RSRC1: variants seen among roughly 807,000 people sequenced by gnomAD.
RSRC1 encodes arginine and serine rich coiled-coil 1.
RSRC1 carries 39 observed loss-of-function variants against 49.1 expected under a neutral mutation model. The ratio of observed to expected loss-of-function variants is 0.79; its 90% CI spans 0.61 to 1.04. The LOEUF is 1.04. RSRC1 is among the 50% of genes least tolerant of loss of function. RSRC1 has a pLI of 0.00. For missense variants in RSRC1, 388 were observed against 402.4 expected (o/e 0.96, Z 0.31); for synonymous variants, 143 against 130.8 (o/e 1.09, Z -0.63).
intron 5 of RSRC1, among the ~76,000 whole-genome samples, chr3:158,317,675 C>A (rs1322020154): frequency 6.6e-6 from 1 of 152,124 alleles, no homozygotes; most frequent in African/African-American, 2.4e-5. Context: ...CCTCCCACCT[C>A]AGCCTCCCAA....
At chr3:158,316,608 C>A (rs1051837668) in intron 5 of RSRC1, among the ~76,000 whole-genome samples, 1 of 151,928 alleles carries the variant, frequency 6.6e-6, no homozygotes, top group Non-Finnish European at 1.5e-5. Flanking sequence ...CCTCGCCCAG[C>A]TAATTTTTTG....
At chr3:158,332,477 C>G (rs1006009443) in intron 5 of RSRC1, among the ~76,000 whole-genome samples, 2 of 152,074 alleles carry the variant, frequency 1.3e-5, no homozygotes, top group African/African-American at 4.8e-5. Flanking sequence ...GAGTAGGTGT[C>G]AAAAGTTAGA....
At chr3:158,275,941 C>T in intron 4 of RSRC1, 1 of 735,368 alleles carries the variant, frequency 1.4e-6, no homozygotes, top group Non-Finnish European at 2.4e-6. Flanking sequence ...TGAGCCCACA[C>T]ATTTCCCTGT....
intron 1 of RSRC1, among the ~76,000 whole-genome samples, chr3:158,118,471 G>GCA (rs1715025946): frequency 2.0e-5 from 3 of 150,186 alleles, no homozygotes; most frequent in Non-Finnish European, 4.4e-5. Context: ...GTGCGCGTGC[G>GCA]CGTGGTTTTT....
intron 5 of RSRC1, among the ~76,000 whole-genome samples, chr3:158,305,876 C>T (rs939566286): frequency 6.6e-6 from 1 of 151,960 alleles, no homozygotes; most frequent in Non-Finnish European, 1.5e-5. Context: ...TTAATTTTCC[C>T]CTTACTCATA....
At chr3:158,534,021 T>C (rs898695946) in intron 7 of RSRC1, among the ~76,000 whole-genome samples, 4 of 151,646 alleles carry the variant, frequency 2.6e-5, no homozygotes, top group African/African-American at 9.7e-5. Flanking sequence ...CATGGCACTC[T>C]GACAGTGCTT....
intron 5 of RSRC1, among the ~76,000 whole-genome samples, chr3:158,300,985 TA>T (rs1379015599): frequency 6.6e-6 from 1 of 151,944 alleles, no homozygotes; most frequent in Non-Finnish European, 1.5e-5. Context: ...AAGAGTGGGA[TA>T]GGTGGACTCT....
chr3:158,325,903 C>A (rs1447738085), intron 5 of RSRC1, among the ~76,000 whole-genome samples: 3 of 152,034 alleles, frequency 2.0e-5, no homozygotes, highest in Non-Finnish European at 4.4e-5. Flanking sequence ...CTTTTATTTC[C>A]TTGAGCAGTG....
At chr3:158,519,095 G>T (rs1042444102) in intron 7 of RSRC1, among the ~76,000 whole-genome samples, 2 of 152,022 alleles carry the variant, frequency 1.3e-5, no homozygotes, top group South Asian at 2.1e-4. Flanking sequence ...GGTCTTTCTC[G>T]TTGTAATGAA....
chr3:158,249,907 CT>C (rs1724113405), intron 4 of RSRC1, among the ~76,000 whole-genome samples: 1 of 152,024 alleles, frequency 6.6e-6, no homozygotes, highest in South Asian at 2.1e-4. Context: ...ATCAAATACT[CT>C]TTTTCATTCT....
chr3:158,513,327 G>C lies in RSRC1; in HGVS notation c.653-23765G>C, dbSNP rs550484494. On this transcript the variant is annotated intron_variant, in intron 7 of 9. Coordinates refer to ENST00000611884, the MANE Select transcript of RSRC1 (RefSeq NM_001271838.2). ...TTTATTGAGAGTTTTTAGCATGAAG[G>C]GTTGTTGAATTTTGTCAAAGGCCTT... Among the ~76,000 whole-genome samples, 32 of 152,054 alleles carry C rather than the reference G, an allele frequency of 2.1e-4. No individual in the cohort carries two copies. In the East Asian group the frequency reaches 2.3e-3, roughly 11 times the overall value.
At chr3:158,485,219 A>G (rs556614578) in intron 7 of RSRC1, among the ~76,000 whole-genome samples, 1 of 152,124 alleles carries the variant, frequency 6.6e-6, no homozygotes, top group East Asian at 1.9e-4. Context: ...TGGATGTGTC[A>G]TAATTACCTG....
intron 3 of RSRC1, among the ~76,000 whole-genome samples, chr3:158,187,430 C>T (rs1404024433): frequency 6.6e-6 from 1 of 151,960 alleles, no homozygotes; most frequent in Non-Finnish European, 1.5e-5. Context: ...TTTTTATTTA[C>T]TAGCTTTGCA....
chr3:158,234,791 A>G (rs1331508459), intron 4 of RSRC1, among the ~76,000 whole-genome samples: 2 of 152,136 alleles, frequency 1.3e-5, no homozygotes, highest in Non-Finnish European at 2.9e-5. Flanking sequence ...TTATTGTACA[A>G]ATCTTTAATC....
Position 158,304,242 on chromosome 3 carries a change from A to G in RSRC1, c.531+6167A>G, listed in dbSNP as rs1404712153. The stretch of plus-strand genomic sequence containing the variant: ...GCTTGCCAGAAATGTAGGCAGGCCC[A>G]TTGCTATTAGGTATTCATCAATAAC... On this transcript the variant is annotated intron_variant, in intron 5 of 9. Coordinates refer to ENST00000611884, the MANE Select transcript of RSRC1 (RefSeq NM_001271838.2). Among the ~76,000 whole-genome samples the G allele has an allele frequency of 2.0e-5, 3 of 152,158 alleles. No individual in the cohort carries two copies. The East Asian group carries it at 5.8e-4, about 29-fold the overall frequency.
chr3:158,113,264 G>A (rs1714535943), intron 1 of RSRC1, among the ~76,000 whole-genome samples: 1 of 152,074 alleles, frequency 6.6e-6, no homozygotes, highest in South Asian at 2.1e-4. Flanking sequence ...CAATGCCTGT[G>A]ACATCATCTT....
intron 6 of RSRC1, among the ~76,000 whole-genome samples, chr3:158,445,115 A>C (rs1379483609): frequency 7.2e-5 from 11 of 152,232 alleles, no homozygotes; most frequent in Admixed American, 7.2e-4. Flanking sequence ...AAGGATCTAG[A>C]ACTAGAAATA....
intron 4 of RSRC1, among the ~76,000 whole-genome samples, chr3:158,228,312 C>A (rs1409008056): frequency 2.0e-5 from 3 of 151,894 alleles, no homozygotes; most frequent in African/African-American, 7.2e-5. Flanking sequence ...TTCAGTGAAG[C>A]AATTTCAGGC....
intron 4 of RSRC1, among the ~76,000 whole-genome samples, chr3:158,230,385 A>G (rs1018087412): frequency 6.6e-6 from 1 of 152,120 alleles, no homozygotes; most frequent in Non-Finnish European, 1.5e-5. Flanking sequence ...CTAAGCAAAG[A>G]TAATTTTTAT....
Sources: allele counts gnomAD v4.1 joint callset (sites outside exome capture counted in the v4.1 genomes callset), GRCh38; gene constraint gnomAD v4.1.1; transcripts MANE v1.5; gene names NCBI Gene and HGNC (gene_info 2026-07-23, HGNC 2026-07-21).